The following SLIT1 variants were observed in gnomAD, a reference collection of about 807,000 sequenced individuals.
SLIT1 encodes the protein slit guidance ligand 1.
A neutral mutation model predicts 186.1 loss-of-function variants in SLIT1; 66 were observed. The observed-to-expected ratio is 0.35, with a 90% CI of 0.29 to 0.44. The LOEUF is 0.44. SLIT1 is among the 20% of genes least tolerant of loss of function. The pLI, the probability that SLIT1 is intolerant of heterozygous loss-of-function variation, is 1.00. For missense variants in SLIT1, 1,638 were observed against 2,037.4 expected, an observed-to-expected ratio of 0.80 and a Z score of 3.77; for synonymous variants, 761 against 833.8, an observed-to-expected ratio of 0.91 and a Z score of 1.50.
intron 1 of SLIT1, among the ~76,000 whole-genome samples, chr10:97,173,602 G>T (rs532203273): frequency 1.3e-5 from 2 of 151,984 alleles, no homozygotes; most frequent in Non-Finnish European, 2.9e-5. Context: ...AGGCTCAAGT[G>T]GGGGTGACGA....
intron 25 of SLIT1, among the ~76,000 whole-genome samples, chr10:97,023,800 G>A (rs980991267): frequency 3.9e-5 from 6 of 152,118 alleles, no homozygotes; most frequent in East Asian, 1.9e-4. Context: ...AAAATTAGCC[G>A]GGTGTGGTGG....
At chr10:97,065,149 C>CT (rs1848933154) in intron 5 of SLIT1, among the ~76,000 whole-genome samples, 1 of 28,816 alleles carries the variant, frequency 3.5e-5, no homozygotes, top group South Asian at 1.7e-3. Context: ...CACACACACA[C>CT]ACACACACAC....
At chr10:97,120,324 G>A (rs372864284) in intron 4 of SLIT1, among the ~76,000 whole-genome samples, 59 of 152,240 alleles carry the variant, frequency 3.9e-4, no homozygotes, top group African/African-American at 1.3e-3. Context: ...AGGAGGGGCC[G>A]CAAGTGAGCA....
chr10:97,002,450 C>T, intron 35 of SLIT1, 81 bp from the exon 36 acceptor site: 2 of 973,234 alleles, frequency 2.1e-6, no homozygotes, highest in Non-Finnish European at 3.0e-6. Flanking sequence ...CCTGACACAG[C>T]CCACCCCACC....
At chr10:97,104,061 G>T (rs1009304124) in intron 4 of SLIT1, among the ~76,000 whole-genome samples, 6 of 152,088 alleles carry the variant, frequency 3.9e-5, no homozygotes, top group African/African-American at 1.4e-4. Context: ...ATTCTGTGGG[G>T]TAGCGGGTGG....
rs1850390225 is a variant in SLIT1, at chr10:97,184,899, C to T, written c.197+579G>A. On this transcript the variant is annotated intron_variant, in intron 1 of 36. Transcript: ENST00000266058. This position sits in a 1 kb window ranked among gnomAD's most constrained non-coding sequence, Gnocchi z 4.4. ...GGGGATGGCTGGGTGTGGAGGGAGGCGGGTGAGTAGGGGACCAACGCGTGG... is the reference window on the plus strand; with the variant it reads ...GGGGATGGCTGGGTGTGGAGGGAGGTGGGTGAGTAGGGGACCAACGCGTGG... Among the ~76,000 whole-genome samples the T allele has an allele frequency of 6.6e-6, 1 of 152,040 alleles. No individual in the cohort carries two copies. The highest frequency in any genetic ancestry group is 1.5e-5 in the Non-Finnish European group (1 of 68,002).
rs115249166 is a variant in SLIT1 at position 97,011,814 on chromosome 10, C to T, written c.3204-684G>A. On this transcript the variant is annotated intron_variant, in intron 30 of 36. Coordinates refer to ENST00000266058, the MANE Select transcript of SLIT1 (RefSeq NM_003061.3). The stretch of plus-strand genomic sequence containing the variant: ...CCAAGCCCACCTCACCAAGCACTTC[C>T]CTGCCTTCACACCTGTGGATTCCAG... Among the ~76,000 whole-genome samples the T allele has an allele frequency of 3.2e-3, 481 of 152,264 alleles. 1 individual carries two copies. Among genetic ancestry groups the T allele is most frequent in the African/African-American group, 0.011 (473 of 41,538 alleles).
In SLIT1 at chr10:97,171,069, A is replaced by G. The variant is rs377740194; in HGVS notation, c.198-6179T>C. On this transcript the variant is annotated intron_variant, in intron 1 of 36. Coordinates refer to ENST00000266058, the MANE Select transcript of SLIT1 (RefSeq NM_003061.3). ...CAGGGTCTCAAAAAAATAAAAAAAG[A>G]AAAAAGAAACCACGCATGCTGTCAC... 2.2e-3 allele frequency among the ~76,000 whole-genome samples: 335 copies of G among 152,304 alleles called. 5 individuals are homozygous for G. The highest frequency in any genetic ancestry group is 7.7e-3 in the African/African-American group (322 of 41,566).
intron 4 of SLIT1, among the ~76,000 whole-genome samples, chr10:97,070,792 C>T (rs940084108): frequency 2.6e-5 from 4 of 152,182 alleles, no homozygotes; most frequent in South Asian, 2.1e-4. Flanking sequence ...TAAATTTCTG[C>T]TGTTTATAAG....
chr10:97,135,936 G>A (rs1337743807), intron 4 of SLIT1, among the ~76,000 whole-genome samples: 1 of 152,156 alleles, frequency 6.6e-6, no homozygotes, highest in African/African-American at 2.4e-5. Context: ...GGTGGTGGTT[G>A]GAAAGGCACC....
intron 35 of SLIT1, 62 bp downstream of exon 35, chr10:97,002,642 C>T: frequency 6.9e-7 from 1 of 1,444,120 alleles, no homozygotes; most frequent in Middle Eastern, 2.5e-4. Context: ...GTGAGGCAGC[C>T]CTTCCCATGG....
chr10:97,037,552 G>A, intron 22 of SLIT1, 146 bp downstream of exon 22: 1 of 638,914 alleles, frequency 1.6e-6, no homozygotes, highest in Non-Finnish European at 2.8e-6. Flanking sequence ...ACAGCTCTAG[G>A]CACAGCTGTT....
Position 97,021,302 on chromosome 10 carries a change from G to C in SLIT1, c.2694C>G (p.Asp898Glu), listed in dbSNP as rs1468278908. ...TGGTGAGGAGCAGCTTGCCCTCCAT[G>C]TCCTGGGGCCCAGCACAACGAGCAA... is the stretch of plus-strand genomic sequence containing the variant. ...PGIARCAGPQ[D>E]MEGKLLLTTP... The change falls in exon 26 of 37, where the codon GAC becomes GAG. Residue 898 changes from aspartate (D) to glutamate (E), a missense_variant. Physicochemically the swap from Asp to Glu is conservative, Grantham distance 45. This residue lies in a region of SLIT1 where 1,245 missense variants were observed against 1,535.3 expected (regional missense o/e 0.81). Coordinates refer to ENST00000266058, the MANE Select transcript of SLIT1 (RefSeq NM_003061.3). The surrounding 1 kb of genome is among the most constrained non-coding windows in gnomAD (Gnocchi z 4.5). 3.7e-6 allele frequency: 6 copies of C among 1,614,180 alleles called. No individual in the cohort carries two copies. The Admixed American group carries it at 5.0e-5, about 13-fold the overall frequency.
At position 97,018,227 on chromosome 10, in the gene SLIT1, C is replaced by T. The variant is rs1055014338; in HGVS notation, c.2969+359G>A. Among the ~76,000 whole-genome samples, 10 of 152,244 alleles carry T rather than the reference C, an allele frequency of 6.6e-5. No individual in the cohort carries two copies. In the Middle Eastern group the frequency reaches 0.01, roughly 155 times the overall value. On this transcript the variant is annotated intron_variant, in intron 28 of 36. Coordinates refer to ENST00000266058, the MANE Select transcript of SLIT1 (RefSeq NM_003061.3). ...CTGTATATGCTTTGGCCATGGAATC[C>T]GAGTGCCTTCAAAAAGGCCCCCATG...
At chr10:97,099,514 T>A (rs1332743956) in intron 4 of SLIT1, among the ~76,000 whole-genome samples, 1 of 152,188 alleles carries the variant, frequency 6.6e-6, no homozygotes, top group Non-Finnish European at 1.5e-5. Flanking sequence ...GTTGTACATC[T>A]GGGTAGGTGT....
intron 24 of SLIT1, 107 bp from the exon 25 acceptor site, chr10:97,030,935 C>T (rs1848584954): frequency 2.3e-6 from 2 of 882,364 alleles, no homozygotes; most frequent in Non-Finnish European, 3.7e-6. Context: ...CGTGCCTTCC[C>T]TCTAGGCCTC....
At chr10:97,178,361 T>C (rs1307402742) in intron 1 of SLIT1, among the ~76,000 whole-genome samples, 1 of 152,202 alleles carries the variant, frequency 6.6e-6, no homozygotes, top group Non-Finnish European at 1.5e-5. Context: ...ATAATCTGAA[T>C]GTAATTGTGA....
At chr10:97,137,666 C>T (rs1053098387) in intron 4 of SLIT1, among the ~76,000 whole-genome samples, 1 of 152,042 alleles carries the variant, frequency 6.6e-6, no homozygotes, top group Non-Finnish European at 1.5e-5. Flanking sequence ...CTCACTGCAG[C>T]CTCAACCTGC....
chr10:97,107,295 C>T (rs1849424248), intron 4 of SLIT1, among the ~76,000 whole-genome samples: 1 of 152,180 alleles, frequency 6.6e-6, no homozygotes, highest in Admixed American at 6.5e-5. Flanking sequence ...TCAACGGTAA[C>T]GTGTTGTTAT....
Sources: allele counts gnomAD v4.1 joint callset (sites outside exome capture counted in the v4.1 genomes callset), GRCh38; gene constraint gnomAD v4.1.1; regional missense constraint gnomAD v4.1.1; non-coding constraint Gnocchi (gnomAD v3.1); transcripts MANE v1.5; gene names NCBI Gene and HGNC (gene_info 2026-07-23, HGNC 2026-07-21).